The following PIGL variants were observed in gnomAD, a reference collection of about 807,000 sequenced individuals.
PIGL encodes phosphatidylinositol glycan anchor biosynthesis class L, also known as N-acetylglucosaminyl-phosphatidylinositol de-N-acetylase.
In PIGL, 22 loss-of-function variants were observed where a neutral mutation model predicts 31.1. That is an observed-to-expected ratio of 0.71 (90% confidence interval 0.51 to 1.01). The LOEUF is 1.01. Ranked by LOEUF, PIGL falls within the 50% of genes least tolerant of loss-of-function variation. The probability of loss-of-function intolerance (pLI) is 0.00; values close to 1 mark genes in which losing one functional copy is unlikely to be tolerated. For synonymous variants in PIGL, 131 were observed against 117.4 expected, an observed-to-expected ratio of 1.12 and a Z score of -0.75; for missense variants, 302 against 315.9, an observed-to-expected ratio of 0.96 and a Z score of 0.33.
intron 2 of PIGL, among the ~76,000 whole-genome samples, chr17:16,271,487 A>T (rs2092872042): frequency 6.6e-6 from 1 of 152,212 alleles, no homozygotes; most frequent in Admixed American, 6.5e-5. Flanking sequence ...AGTTTCAGAT[A>T]AACAATAATT....
intron 1 of PIGL, chr17:16,217,753 T>C: frequency 2.6e-6 from 1 of 381,064 alleles, no homozygotes; most frequent in Non-Finnish European, 4.8e-6. Context: ...CCTGTACTTG[T>C]TATTCTGTGG....
intron 1 of PIGL, among the ~76,000 whole-genome samples, chr17:16,230,779 C>T (rs1156728780): frequency 4.6e-5 from 7 of 152,034 alleles, no homozygotes; most frequent in South Asian, 2.1e-4. Context: ...CCTGAGCCAC[C>T]GTGGCCAGCC....
rs771707270 is a variant in PIGL, at chr17:16,233,954, A to G, written c.236-17A>G. On this transcript the variant is annotated splice_polypyrimidine_tract_variant and intron_variant, in intron 1 of 6. Coordinates refer to ENST00000225609, the MANE Select transcript of PIGL (RefSeq NM_004278.4). ...TTAAAAAAAAAAAATCTACCACTGT[A>G]TATTTGTTACCCTCAGGAAATTACT... 7 of 1,445,350 alleles carry G rather than the reference A, an allele frequency of 4.8e-6. No individual in the cohort carries two copies. The highest frequency in any genetic ancestry group is 2.3e-5 in the South Asian group (2 of 87,008). 89.5% of individuals were successfully genotyped at this position (1,445,350 alleles called of 1,614,324 possible).
At chr17:16,250,161 G>C (rs1370069852) in intron 2 of PIGL, among the ~76,000 whole-genome samples, 1 of 152,124 alleles carries the variant, frequency 6.6e-6, no homozygotes, top group Non-Finnish European at 1.5e-5. Flanking sequence ...TGGTCAGGCT[G>C]GTCTCGAACT....
chr17:16,290,168 C>T (rs760012459), intron 2 of PIGL, among the ~76,000 whole-genome samples: 1 of 151,708 alleles, frequency 6.6e-6, no homozygotes, highest in African/African-American at 2.4e-5. Context: ...CTGCAACCTC[C>T]GCCTCCTGGG....
intron 2 of PIGL, among the ~76,000 whole-genome samples, chr17:16,246,329 C>T (rs1029580668): frequency 1.3e-5 from 2 of 150,940 alleles, no homozygotes; most frequent in African/African-American, 4.9e-5. Flanking sequence ...CTGGCCAACA[C>T]GGTGAAACCC....
intron 2 of PIGL, among the ~76,000 whole-genome samples, chr17:16,298,678 A>G (rs1568831679): frequency 6.6e-6 from 1 of 152,246 alleles, no homozygotes. Flanking sequence ...AAAAACCTGC[A>G]TTCAAAATCT....
At chr17:16,257,981 T>C (rs1044760341) in intron 2 of PIGL, among the ~76,000 whole-genome samples, 1 of 150,022 alleles carries the variant, frequency 6.7e-6, no homozygotes, top group African/African-American at 2.5e-5. Context: ...GAGAATCGCT[T>C]GAACCTGGGA....
At chr17:16,238,437 C>CTTTTTTTT (rs1168033433) in intron 2 of PIGL, among the ~76,000 whole-genome samples, 4 of 127,750 alleles carry the variant, frequency 3.1e-5, no homozygotes, top group East Asian at 2.3e-4. Flanking sequence ...TTCTTTTTTT[C>CTTTTTTTT]TTTTTTTTTT....
intron 2 of PIGL, among the ~76,000 whole-genome samples, chr17:16,286,346 G>A (rs889400903): frequency 6.6e-6 from 1 of 152,196 alleles, no homozygotes; most frequent in African/African-American, 2.4e-5. Flanking sequence ...AAAGACCTGG[G>A]CCCCTGGGCT....
chr17:16,316,942 C>G (rs764871702), intron 5 of PIGL: 1 of 1,316,982 alleles, frequency 7.6e-7, no homozygotes, highest in African/African-American at 1.5e-5. Context: ...CAGGTTTGCC[C>G]CTCAACCTGT....
chr17:16,255,609 T>G (rs374270665), intron 2 of PIGL, among the ~76,000 whole-genome samples: 1 of 152,224 alleles, frequency 6.6e-6, no homozygotes, highest in East Asian at 1.9e-4. Flanking sequence ...TGTTAGTAAT[T>G]AAACTCTCTC....
intron 2 of PIGL, among the ~76,000 whole-genome samples, chr17:16,295,100 G>T (rs141321558): frequency 6.6e-6 from 1 of 152,250 alleles, no homozygotes; most frequent in Non-Finnish European, 1.5e-5. Flanking sequence ...GTCCATCGGG[G>T]GACTTATGAT....
intron 6 of PIGL, among the ~76,000 whole-genome samples, chr17:16,318,473 G>A (rs951111561): frequency 4.0e-5 from 6 of 151,856 alleles, no homozygotes; most frequent in African/African-American, 1.5e-4. Flanking sequence ...GTTTCATCAT[G>A]TTGGCCAGGC....
intron 1 of PIGL, among the ~76,000 whole-genome samples, chr17:16,223,108 G>T (rs2092636758): frequency 1.3e-5 from 2 of 152,182 alleles, no homozygotes; most frequent in Admixed American, 1.3e-4. Context: ...CAGTCTTTAT[G>T]AGAATATCAA....
chr17:16,255,109 C>T lies in PIGL; in HGVS notation c.335+21039C>T, dbSNP rs117840960. On this transcript the variant is annotated intron_variant, in intron 2 of 6. Coordinates refer to ENST00000225609, the MANE Select transcript of PIGL (RefSeq NM_004278.4). ...ACCCACTTTCCTCAGTTTTTATTTA[C>T]GCAGAAATTGAAATTAACAAACTAA... Among the ~76,000 whole-genome samples, 148 of 152,258 alleles carry T rather than the reference C, an allele frequency of 9.7e-4. 1 individual carries two copies. The East Asian group carries it at 0.012, about 13-fold the overall frequency.
chr17:16,291,015 T>G (rs1280300383), intron 2 of PIGL, among the ~76,000 whole-genome samples: 1 of 152,182 alleles, frequency 6.6e-6, no homozygotes, highest in East Asian at 1.9e-4. Context: ...TTGACTACTA[T>G]TTGAGGCTTG....
chr17:16,232,536 C>T (rs2092683288), intron 1 of PIGL, among the ~76,000 whole-genome samples: 2 of 152,116 alleles, frequency 1.3e-5, no homozygotes, highest in Admixed American at 6.6e-5. Flanking sequence ...TTAGTTCAAA[C>T]ACAAAGCAAT....
chr17:16,272,891 C>T (rs1423985390), intron 2 of PIGL, among the ~76,000 whole-genome samples: 5 of 152,158 alleles, frequency 3.3e-5, no homozygotes, highest in African/African-American at 1.2e-4. Context: ...GTTCGATGCA[C>T]ACTCTGTAGT....
Sources: allele counts gnomAD v4.1 joint callset (sites outside exome capture counted in the v4.1 genomes callset), GRCh38; gene constraint gnomAD v4.1.1; transcripts MANE v1.5; gene names NCBI Gene and HGNC (gene_info 2026-07-23, HGNC 2026-07-21).